KPNA1: variants seen among roughly 807,000 people sequenced by gnomAD.
KPNA1 encodes the protein importin subunit alpha-5.
In KPNA1, 10 loss-of-function variants were observed where a neutral mutation model predicts 70.5. That is an observed-to-expected ratio of 0.14 (90% CI 0.09 to 0.24). The LOEUF (loss-of-function observed/expected upper bound fraction) is 0.24, where lower values mean the gene tolerates loss of function less well. Ranked by LOEUF, KPNA1 falls within the 10% of genes least tolerant of loss-of-function variation. The pLI, the probability that KPNA1 is intolerant of heterozygous loss-of-function variation, is 1.00. For missense variants in KPNA1, 397 were observed against 637.9 expected (o/e 0.62, Z 4.07); for synonymous variants, 192 against 221.9 (o/e 0.87, Z 1.20).
At chr3:122,473,801 AAGG>A (rs2076468954) in intron 2 of KPNA1, among the ~76,000 whole-genome samples, 1 of 152,208 alleles carries the variant, frequency 6.6e-6, no homozygotes, top group African/African-American at 2.4e-5. Context: ...GGAGCAAGAC[AAGG>A]AGATTTCCTC....
At chr3:122,484,257 A>G (rs918415897) in intron 2 of KPNA1, among the ~76,000 whole-genome samples, 3 of 152,264 alleles carry the variant, frequency 2.0e-5, no homozygotes, top group African/African-American at 4.8e-5. Flanking sequence ...TAACTGTTTA[A>G]AAAAGAATTA....
intron 9 of KPNA1, among the ~76,000 whole-genome samples, chr3:122,446,188 G>C (rs545449513): frequency 7.5e-4 from 114 of 152,252 alleles, no homozygotes; most frequent in Non-Finnish European, 1.5e-3. Flanking sequence ...AACATCTACA[G>C]AACTCTCCAC....
chr3:122,461,351 T>A (rs2107744949), intron 4 of KPNA1, 33 bp from the exon 5 acceptor site: 1 of 1,420,182 alleles, frequency 7.0e-7, no homozygotes, highest in Admixed American at 1.9e-5. Flanking sequence ...AAAAAAAAAA[T>A]CCTTTGATTT....
At chr3:122,458,216 C>A (rs2076285408) in intron 5 of KPNA1, among the ~76,000 whole-genome samples, 1 of 152,168 alleles carries the variant, frequency 6.6e-6, no homozygotes, top group Admixed American at 6.5e-5. Flanking sequence ...CACAAAGATA[C>A]TGGGCCTGGA....
At chr3:122,456,134 A>G (rs1473705357) in intron 5 of KPNA1, among the ~76,000 whole-genome samples, 1 of 152,228 alleles carries the variant, frequency 6.6e-6, no homozygotes, top group Non-Finnish European at 1.5e-5. Flanking sequence ...ATCTAGTTCA[A>G]GAAATTTTAA....
At chr3:122,433,479 C>G (rs948768751) in intron 12 of KPNA1, among the ~76,000 whole-genome samples, 182 bp downstream of exon 12, 1 of 152,150 alleles carries the variant, frequency 6.6e-6, no homozygotes, top group African/African-American at 2.4e-5. Context: ...AATTATGACA[C>G]CAAGGACAAT....
At chr3:122,485,316 A>T (rs2076617081) in intron 2 of KPNA1, among the ~76,000 whole-genome samples, 1 of 152,234 alleles carries the variant, frequency 6.6e-6, no homozygotes, top group South Asian at 2.1e-4. Flanking sequence ...TAAGCTAGAT[A>T]AATAGACCAA....
At chr3:122,485,468 A>C (rs1490493699) in intron 2 of KPNA1, among the ~76,000 whole-genome samples, 1 of 152,104 alleles carries the variant, frequency 6.6e-6, no homozygotes, top group Non-Finnish European at 1.5e-5. Context: ...AAAAAAAAAA[A>C]AGAACCCTTA....
intron 9 of KPNA1, among the ~76,000 whole-genome samples, chr3:122,448,165 T>G (rs984386488): frequency 6.6e-5 from 10 of 152,170 alleles, no homozygotes; most frequent in African/African-American, 2.4e-4. Flanking sequence ...TGTAAATTAG[T>G]TCAACCATTG....
At chr3:122,440,907 C>A (rs1156806010) in intron 10 of KPNA1, among the ~76,000 whole-genome samples, 1 of 152,128 alleles carries the variant, frequency 6.6e-6, no homozygotes. Context: ...CCCTTGTGTA[C>A]AGAATATATT....
intron 11 of KPNA1, among the ~76,000 whole-genome samples, chr3:122,434,227 G>A (rs1210426189): frequency 1.3e-5 from 2 of 152,102 alleles, no homozygotes; most frequent in Non-Finnish European, 2.9e-5. Context: ...GGGAGCCACC[G>A]CACCCAGCCT....
chr3:122,490,333 T>A (rs986302109), intron 2 of KPNA1, among the ~76,000 whole-genome samples: 9 of 152,232 alleles, frequency 5.9e-5, no homozygotes, highest in Non-Finnish European at 1.5e-5. Flanking sequence ...ATCACAGGAT[T>A]TATCTCATTT....
chr3:122,451,839 A>G lies in KPNA1; in HGVS notation c.653+137T>C, dbSNP rs1313060123. 4.3e-6 allele frequency: 3 copies of G among 702,976 alleles called. No individual in the cohort carries two copies. The African/African-American group carries it at 5.4e-5, about 13-fold the overall frequency. 43.5% of individuals were successfully genotyped at this position (702,976 alleles called of 1,614,324 possible). A position where few individuals can be genotyped will look rare whatever the true frequency, so the allele number is the denominator to read the frequency against. On this transcript the variant is annotated intron_variant, in intron 7 of 13. Transcript: ENST00000344337. Reference sequence around the variant, plus strand: ...GATAGGGTGCTTGAGGAAATGATCTAAACAAGAAAATATCTGGAATTAAAA... The same window carrying G: ...GATAGGGTGCTTGAGGAAATGATCTGAACAAGAAAATATCTGGAATTAAAA...
chr3:122,470,521 TAAAC>T (rs930346886), intron 2 of KPNA1, among the ~76,000 whole-genome samples: 7 of 149,154 alleles, frequency 4.7e-5, no homozygotes, highest in African/African-American at 1.7e-4. Flanking sequence ...CAAAAATAAA[TAAAC>T]AAATAAATAA....
rs186539911 is a variant in KPNA1 at position 122,458,801 on chromosome 3, G to A, written c.432+2423C>T. 2.4e-4 allele frequency among the ~76,000 whole-genome samples: 37 copies of A among 152,248 alleles called. No homozygotes were observed. The East Asian group carries it at 7.0e-3, about 29-fold the overall frequency. ...GATCATCAAGTCTCCTGGCTTTAAG[G>A]TCTCTCTCGATATATTTGCCCCCTT... On this transcript the variant is annotated intron_variant, in intron 5 of 13. Transcript: ENST00000344337.
chr3:122,489,329 A>C lies in KPNA1; in HGVS notation c.129+7108T>G, dbSNP rs1397686711. Among the ~76,000 whole-genome samples the C allele has an allele frequency of 2.7e-5, 4 of 149,640 alleles. No individual in the cohort carries two copies. In the East Asian group the frequency reaches 7.8e-4, roughly 29 times the overall value. ...TTTTTTAAGAGGGTCTCACTCTGTC[A>C]CTCAGGCTGGAGCACAGTGGCACAG... On this transcript the variant is annotated intron_variant, in intron 2 of 13. Coordinates refer to ENST00000344337, the MANE Select transcript of KPNA1 (RefSeq NM_002264.4).
chr3:122,465,648 T>C (rs1176621865), intron 3 of KPNA1, among the ~76,000 whole-genome samples: 1 of 152,198 alleles, frequency 6.6e-6, no homozygotes, highest in Non-Finnish European at 1.5e-5. Flanking sequence ...ACGCCTGTAA[T>C]CCCAACACTT....
intron 5 of KPNA1, among the ~76,000 whole-genome samples, chr3:122,458,444 G>A (rs1200309438): frequency 1.3e-5 from 2 of 152,200 alleles, no homozygotes; most frequent in Non-Finnish European, 2.9e-5. Context: ...TCCCTGGTTT[G>A]AGGTACCTTA....
Position 122,451,987 on chromosome 3 carries a change from G to A in KPNA1, c.642C>T (p.Pro214=), listed in dbSNP as rs1560027941. Residue 214 remains proline (P), a synonymous_variant, in exon 7 of 14, where the codon CCC becomes CCT. Coordinates refer to ENST00000344337, the MANE Select transcript of KPNA1 (RefSeq NM_002264.4). ...RDYVLDCNIL[P]PLLQLFSKQN... ...AAGAAGAAACTTACTGCAAAAGAGG[G>A]GGAAGGATATTGCAGTCTAAGACAT... 19 of 1,592,538 alleles carry A rather than the reference G, an allele frequency of 1.2e-5. No homozygotes were observed. The highest frequency in any genetic ancestry group is 1.5e-5 in the Non-Finnish European group (18 of 1,168,144).
Sources: allele counts gnomAD v4.1 joint callset (sites outside exome capture counted in the v4.1 genomes callset), GRCh38; gene constraint gnomAD v4.1.1; transcripts MANE v1.5; gene names NCBI Gene and HGNC (gene_info 2026-07-23, HGNC 2026-07-21).